The following SERPINE2 variants were observed in gnomAD, a reference collection of about 807,000 sequenced individuals.
The protein encoded by SERPINE2 is serpin family E member 2.
A neutral mutation model predicts 36.3 loss-of-function variants in SERPINE2; 14 were observed. That is an observed-to-expected ratio of 0.39 (90% confidence interval 0.25 to 0.60). SERPINE2 has a LOEUF of 0.60. Among genes scored for constraint, SERPINE2 ranks in the 20% least tolerant of loss-of-function variants. The pLI, the probability that SERPINE2 is intolerant of heterozygous loss-of-function variation, is 0.57. For missense variants in SERPINE2, 418 were observed against 499.6 expected (o/e 0.84, Z 1.56); for synonymous variants, 192 against 191.8 (o/e 1.00, Z -0.01).
In SERPINE2 at chr2:223,991,875, G is replaced by A. The variant is rs1690688603; in HGVS notation, c.613C>T (p.Arg205Cys). 3 of 1,613,284 alleles carry A rather than the reference G, an allele frequency of 1.9e-6. No individual in the cohort carries two copies. The highest frequency in any genetic ancestry group is 1.7e-6 in the Non-Finnish European group (2 of 1,179,740). The part of the protein sequence containing the change: ...SRFQPENTKK[R>C]TFVAADGKSY... ...TTCCCGTCGGCTGCCACGAAAGTGC[G>A]TTTCTTTGTGTTCTCGGGTTGGAAC... Residue 205 changes from arginine (R) to cysteine (C), a missense_variant, in exon 4 of 9, where the codon CGC becomes TGC. Arg to Cys is a radical substitution (Grantham distance 180). Coordinates refer to ENST00000409304, the MANE Select transcript of SERPINE2 (RefSeq NM_001136528.2).
At chr2:224,016,503 T>C (rs1279633184) in intron 1 of SERPINE2, among the ~76,000 whole-genome samples, 1 of 32,944 alleles carries the variant, frequency 3.0e-5, no homozygotes, top group Non-Finnish European at 8.6e-5. Context: ...CGAAAGTCCG[T>C]CTCAAAAAAA....
chr2:224,022,028 G>A (rs1195003966), intron 1 of SERPINE2, among the ~76,000 whole-genome samples: 12 of 151,912 alleles, frequency 7.9e-5, no homozygotes, highest in African/African-American at 9.7e-5. Flanking sequence ...GCATGGTGGC[G>A]GGCGCCTGTA....
intron 1 of SERPINE2, among the ~76,000 whole-genome samples, chr2:224,002,405 A>G (rs1356080597): frequency 6.6e-6 from 1 of 152,208 alleles, no homozygotes; most frequent in East Asian, 1.9e-4. Flanking sequence ...GGAGGTGGGG[A>G]GGGAAAGGAA....
intron 1 of SERPINE2, among the ~76,000 whole-genome samples, chr2:224,026,338 T>C (rs1574849136): frequency 6.6e-6 from 1 of 152,382 alleles, no homozygotes; most frequent in Non-Finnish European, 1.5e-5. Flanking sequence ...CAACGTTCAA[T>C]ATCTGGCAAC....
intron 3 of SERPINE2, among the ~76,000 whole-genome samples, chr2:223,996,073 C>G (rs1233759667): frequency 6.6e-6 from 1 of 152,124 alleles, no homozygotes; most frequent in East Asian, 1.9e-4. Context: ...AACGGAGGAG[C>G]TGGGGCTGAC....
At chr2:223,977,312 C>T (rs1052322442) in intron 8 of SERPINE2, among the ~76,000 whole-genome samples, 9 of 152,182 alleles carry the variant, frequency 5.9e-5, no homozygotes, top group Non-Finnish European at 1.3e-4. Flanking sequence ...TTAAAAACAA[C>T]AATCCGCAAA....
chr2:224,012,834 G>C (rs765463037), intron 1 of SERPINE2, among the ~76,000 whole-genome samples: 5 of 152,176 alleles, frequency 3.3e-5, no homozygotes, highest in Non-Finnish European at 7.3e-5. Context: ...AAGGGGAGCA[G>C]AGAAGGTTAT....
chr2:224,015,004 T>G (rs554978389), intron 1 of SERPINE2, among the ~76,000 whole-genome samples: 3 of 144,106 alleles, frequency 2.1e-5, no homozygotes, highest in East Asian at 2.1e-4. Flanking sequence ...TTTTCACCAC[T>G]AGGTGGGGGC....
Position 223,982,745 on chromosome 2 carries a change from C to A in SERPINE2, c.921G>T (p.Pro307=), listed in dbSNP as rs199616305. 2.5e-6 allele frequency: 4 copies of A among 1,613,556 alleles called. No homozygotes were observed. Among genetic ancestry groups the A allele is most frequent in the Non-Finnish European group, 3.4e-6 (4 of 1,179,740 alleles). ...TGTCAGTAATGCCAAGAACTTTCAG[C>A]GGCTCCTTCAAATCTGTTTGTGCTA... is the stretch of plus-strand genomic sequence containing the variant. The part of the protein sequence containing the change: ...TAVAQTDLKE[P]LKVLGITDMF... Residue 307 remains proline, a synonymous_variant, in exon 6 of 9, where the codon CCG becomes CCT. Coordinates refer to ENST00000409304, the MANE Select transcript of SERPINE2 (RefSeq NM_001136528.2).
intron 4 of SERPINE2, among the ~76,000 whole-genome samples, chr2:223,989,844 G>A (rs1450760398): frequency 6.6e-6 from 1 of 152,196 alleles, no homozygotes; most frequent in Non-Finnish European, 1.5e-5. Context: ...AGAGTAAACA[G>A]ATAAGACATC....
intron 1 of SERPINE2, among the ~76,000 whole-genome samples, chr2:224,013,134 G>A (rs1404799754): frequency 6.6e-6 from 1 of 152,138 alleles, no homozygotes; most frequent in Non-Finnish European, 1.5e-5. Context: ...GTTTAGCATA[G>A]TACCTGGTAT....
chr2:224,029,228 A>G (rs1692282180), intron 1 of SERPINE2, among the ~76,000 whole-genome samples: 1 of 152,188 alleles, frequency 6.6e-6, no homozygotes, highest in South Asian at 2.1e-4. Context: ...AAAAATCCAC[A>G]CCTTTAGAAA....
rs531723276 is a variant in SERPINE2 at position 223,998,015 on chromosome 2, G to A, written c.487+100C>T. 35 of 893,762 alleles carry A rather than the reference G, an allele frequency of 3.9e-5. No homozygotes were observed. In the East Asian group the frequency reaches 8.3e-4, roughly 21 times the overall value. The allele number at this position is 893,762 out of a possible 1,614,324, so 55.4% of individuals were successfully genotyped here. The stretch of plus-strand genomic sequence containing the variant: ...GGTCCAGGAGTTTCTCAACCCACAG[G>A]CCATTGAATTGGACTTGCAGACACC... On this transcript the variant is annotated intron_variant, in intron 3 of 8. Coordinates refer to ENST00000409304, the MANE Select transcript of SERPINE2 (RefSeq NM_001136528.2).
chr2:224,024,295 C>T (rs1305566044), intron 1 of SERPINE2, among the ~76,000 whole-genome samples: 1 of 152,114 alleles, frequency 6.6e-6, no homozygotes, highest in African/African-American at 2.4e-5. Context: ...GATCACTGCC[C>T]ACCTCTTCCT....
rs138775160 is a variant in SERPINE2 at position 224,015,624 on chromosome 2, C to T, written c.-22-13702G>A. On this transcript the variant is annotated intron_variant, in intron 1 of 8. Transcript: ENST00000409304. The stretch of plus-strand genomic sequence containing the variant: ...CATCAAGACATACTGCAGAACCCAA[C>T]CGGACAGAAACTGGAAGAATCATTC... Among the ~76,000 whole-genome samples, 442 of 152,326 alleles carry T rather than the reference C, an allele frequency of 2.9e-3. 3 individuals are homozygous for T. The highest frequency in any genetic ancestry group is 0.01 in the African/African-American group (427 of 41,566).
chr2:224,035,585 T>C (rs1450483869), intron 1 of SERPINE2, among the ~76,000 whole-genome samples: 1 of 152,122 alleles, frequency 6.6e-6, no homozygotes. Flanking sequence ...ATCAGGCTGG[T>C]CTTGAACTCC....
chr2:224,036,352 A>C (rs1334537193), intron 1 of SERPINE2, among the ~76,000 whole-genome samples: 3 of 149,024 alleles, frequency 2.0e-5, no homozygotes, highest in Non-Finnish European at 4.5e-5. Flanking sequence ...AAAAAAAAAA[A>C]CCATCAGAAA....
intron 3 of SERPINE2, among the ~76,000 whole-genome samples, chr2:223,995,880 T>C (rs1313225066): frequency 6.6e-6 from 1 of 152,212 alleles, no homozygotes; most frequent in East Asian, 1.9e-4. Flanking sequence ...TATTACGTAT[T>C]TGAGTGTAGT....
chr2:224,022,438 G>C (rs1450208121), intron 1 of SERPINE2, among the ~76,000 whole-genome samples: 1 of 152,012 alleles, frequency 6.6e-6, no homozygotes, highest in African/African-American at 2.4e-5. Context: ...TTCTTCCTTA[G>C]ATAACCCTTA....
Sources: gnomAD v4.1 joint callset for allele counts (sites outside exome capture counted in the v4.1 genomes callset) on GRCh38, gnomAD v4.1.1 for gene constraint, MANE v1.5 for transcripts, NCBI Gene and HGNC (gene_info 2026-07-23, HGNC 2026-07-21) for gene names.